UBXN4: variants seen among roughly 807,000 people sequenced by gnomAD.
UBXN4 encodes UBX domain-containing protein 4.
Under a neutral mutation model 66.2 loss-of-function variants are expected in UBXN4, and 35 were observed. The observed-to-expected ratio is 0.53, with a 90% CI of 0.40 to 0.70. The LOEUF is 0.70. Among genes scored for constraint, UBXN4 ranks in the 30% least tolerant of loss-of-function variants. The pLI, the probability that UBXN4 is intolerant of heterozygous loss-of-function variation, is 0.00. For missense variants in UBXN4, 533 were observed against 599.8 expected, an observed-to-expected ratio of 0.89 and a Z score of 1.16; for synonymous variants, 203 against 204.5, an observed-to-expected ratio of 0.99 and a Z score of 0.06.
At chr2:135,743,966 A>G (rs370947895) in intron 1 of UBXN4, among the ~76,000 whole-genome samples, 13 of 152,208 alleles carry the variant, frequency 8.5e-5, no homozygotes, top group Admixed American at 1.3e-4. Context: ...ACTGTTAGCA[A>G]TCTCACAAAG....
intron 1 of UBXN4, among the ~76,000 whole-genome samples, chr2:135,744,332 T>G (rs947922772): frequency 3.3e-5 from 5 of 152,202 alleles, no homozygotes; most frequent in African/African-American, 1.2e-4. Context: ...TTTTCATGGA[T>G]GAATTAAAGA....
At chr2:135,777,264 G>C (rs568028990) in intron 10 of UBXN4, among the ~76,000 whole-genome samples, 1 of 152,042 alleles carries the variant, frequency 6.6e-6, no homozygotes, top group Non-Finnish European at 1.5e-5. Context: ...ATGTCCTTTG[G>C]GTTCTAGGCT....
At chr2:135,780,159 C>T (rs768830773) in intron 11 of UBXN4, 24 bp from the exon 12 acceptor site, 3 of 1,611,248 alleles carry the variant, frequency 1.9e-6, no homozygotes, top group Admixed American at 1.7e-5. Context: ...TAGTCTTTAT[C>T]TAGGTTTGTT....
intron 12 of UBXN4, among the ~76,000 whole-genome samples, chr2:135,781,769 T>C (rs2077451935): frequency 6.6e-6 from 1 of 152,188 alleles, no homozygotes; most frequent in African/African-American, 2.4e-5. Flanking sequence ...GCTCGTTGTA[T>C]GGATTTTTAA....
At chr2:135,753,044 A>G (rs1291094650) in intron 2 of UBXN4, among the ~76,000 whole-genome samples, 13 of 97,888 alleles carry the variant, frequency 1.3e-4, no homozygotes, top group African/African-American at 5.7e-4. Context: ...TTTTTTTGAG[A>G]CAGAGTTTTG....
intron 6 of UBXN4, among the ~76,000 whole-genome samples, chr2:135,767,671 T>A (rs2077356525): frequency 6.6e-6 from 1 of 152,226 alleles, no homozygotes; most frequent in Admixed American, 6.5e-5. Flanking sequence ...TGGTGGACAT[T>A]AGGATTGTTT....
chr2:135,753,591 TTA>T (rs770347763), intron 3 of UBXN4, 24 bp downstream of exon 3: 2 of 1,509,668 alleles, frequency 1.3e-6, no homozygotes, highest in Admixed American at 4.9e-5. Context: ...AAAGAATGGC[TTA>T]TATATATACA....
chr2:135,749,770 G>GTTT (rs2077231164), intron 2 of UBXN4, among the ~76,000 whole-genome samples: 1 of 152,118 alleles, frequency 6.6e-6, no homozygotes, highest in African/African-American at 2.4e-5. Context: ...CTTTATTGCA[G>GTTT]TTTTTTAGTT....
At position 135,780,404 on chromosome 2, in the gene UBXN4, C is replaced by G. The variant is rs749561439; in HGVS notation, c.1388+19C>G. 4 of 1,609,226 alleles carry G rather than the reference C, an allele frequency of 2.5e-6. No homozygotes were observed. The highest frequency in any genetic ancestry group is 1.3e-5 in the African/African-American group (1 of 74,750). On this transcript the variant is annotated intron_variant, in intron 12 of 12. Coordinates refer to ENST00000272638, the MANE Select transcript of UBXN4 (RefSeq NM_014607.4). ...AAAAAAGGTATCTGTGTGTGTTTTC[C>G]CCATTTATAAAATATGTAAGTCATG...
intron 6 of UBXN4, among the ~76,000 whole-genome samples, chr2:135,767,423 C>G (rs2077355516): frequency 6.6e-6 from 1 of 152,124 alleles, no homozygotes; most frequent in South Asian, 2.1e-4. Flanking sequence ...ATGCCCCTTC[C>G]CAATTATGGA....
chr2:135,757,849 A>G (rs1475377750), intron 5 of UBXN4, among the ~76,000 whole-genome samples: 1 of 151,094 alleles, frequency 6.6e-6, no homozygotes, highest in South Asian at 2.1e-4. Context: ...TTGAGAGGCC[A>G]AGGTGGGCAG....
At chr2:135,772,312 G>C in intron 8 of UBXN4, 108 bp from the exon 9 acceptor site, 1 of 1,345,704 alleles carries the variant, frequency 7.4e-7, no homozygotes. Context: ...GACACAGCAA[G>C]ACCCTGTCTC....
At chr2:135,766,766 C>T (rs906901386) in intron 6 of UBXN4, among the ~76,000 whole-genome samples, 6 of 151,926 alleles carry the variant, frequency 3.9e-5, no homozygotes, top group Non-Finnish European at 7.4e-5. Flanking sequence ...TGTTGGGTAC[C>T]CTTTTCATTT....
chr2:135,771,681 G>A (rs931150312), intron 8 of UBXN4, among the ~76,000 whole-genome samples: 43 of 152,268 alleles, frequency 2.8e-4, no homozygotes, highest in African/African-American at 1.0e-3. Context: ...TCCTGTCCCA[G>A]GCTGCCAAGT....
chr2:135,768,865 C>G (rs2077364427), intron 6 of UBXN4, among the ~76,000 whole-genome samples: 1 of 152,012 alleles, frequency 6.6e-6, no homozygotes, highest in African/African-American at 2.4e-5. Flanking sequence ...CCGTGCCCAG[C>G]CTGATTTTTT....
chr2:135,746,346 A>T (rs931267549), intron 1 of UBXN4, among the ~76,000 whole-genome samples: 4 of 152,162 alleles, frequency 2.6e-5, no homozygotes, highest in African/African-American at 9.7e-5. Flanking sequence ...TTTTGTAGAG[A>T]TTTTAGTCTT....
intron 10 of UBXN4, among the ~76,000 whole-genome samples, chr2:135,777,024 A>G (rs2105508514): frequency 6.6e-6 from 1 of 152,164 alleles, no homozygotes; most frequent in South Asian, 2.1e-4. Flanking sequence ...TCCTCTCTCC[A>G]TTTCCTACAG....
chr2:135,741,935 G>T lies in UBXN4; in HGVS notation c.6G>T (p.Leu2=). The part of the protein sequence containing the change: M[L]WFQGAIPAAI... The stretch of plus-strand genomic sequence containing the variant: ...GCCTGGGCCCGAAGGGAGCGATGCT[G>T]TGGTTCCAGGGCGCCATTCCGGCCG... The change falls in exon 1 of 13, where the codon CTG becomes CTT. Residue 2 remains leucine (L), a synonymous_variant. Transcript: ENST00000272638. 6.2e-7 allele frequency: 1 copy of T among 1,612,702 alleles called. No individual in the cohort carries two copies. The highest frequency in any genetic ancestry group is 8.5e-7 in the Non-Finnish European group (1 of 1,179,472).
At chr2:135,779,166 T>A in intron 11 of UBXN4, 87 bp downstream of exon 11, 1 of 1,350,632 alleles carries the variant, frequency 7.4e-7, no homozygotes, top group Admixed American at 2.6e-5. Flanking sequence ...GGAAAGGAAG[T>A]GCACAGATAT....
Sources: gnomAD v4.1 joint callset for allele counts (sites outside exome capture counted in the v4.1 genomes callset) on GRCh38, gnomAD v4.1.1 for gene constraint, MANE v1.5 for transcripts, NCBI Gene and HGNC (gene_info 2026-07-23, HGNC 2026-07-21) for gene names.